The following C2CD5 variants were observed in gnomAD, a reference collection of about 807,000 sequenced individuals.
C2CD5 encodes the protein C2 calcium dependent domain containing 5, also known as C2 domain-containing protein 5.
C2CD5 carries 109 observed loss-of-function variants against 130.3 expected under a neutral mutation model. That is an observed-to-expected ratio of 0.84 (90% CI 0.72 to 0.98). The LOEUF is 0.98. Ranked by LOEUF, C2CD5 falls within the 50% of genes least tolerant of loss-of-function variation. The pLI, the probability that C2CD5 is intolerant of heterozygous loss-of-function variation, is 0.00. For synonymous variants in C2CD5, 454 were observed against 429.2 expected (o/e 1.06, Z -0.71); for missense variants, 996 against 1,261.8 (o/e 0.79, Z 3.19).
intron 3 of C2CD5, among the ~76,000 whole-genome samples, chr12:22,531,513 C>T (rs1951272953): frequency 6.6e-6 from 1 of 151,896 alleles, no homozygotes; most frequent in East Asian, 1.9e-4. Context: ...TTTTAACTTG[C>T]CTCAAAGGTA....
intron 10 of C2CD5, chr12:22,502,604 A>G (rs943675937): frequency 2.2e-6 from 1 of 462,712 alleles, no homozygotes; most frequent in African/African-American, 2.0e-5. Flanking sequence ...AAGAGTTATT[A>G]CATACGTAGC....
intron 22 of C2CD5, among the ~76,000 whole-genome samples, chr12:22,469,013 T>C (rs983779229): frequency 6.6e-6 from 1 of 152,134 alleles, no homozygotes; most frequent in Non-Finnish European, 1.5e-5. Context: ...TAATACATAA[T>C]GCTACAAAAT....
At chr12:22,540,556 C>T (rs1952266638) in intron 2 of C2CD5, among the ~76,000 whole-genome samples, 1 of 152,124 alleles carries the variant, frequency 6.6e-6, no homozygotes, top group Admixed American at 6.6e-5. Context: ...AAAGTACTTC[C>T]ATATTAAAAT....
chr12:22,457,070 A>G lies in C2CD5; in HGVS notation c.2778T>C (p.Val926=). ...PPCANSTVGV[V]KMTPLSFIPG... is the part of the protein sequence containing the mutation. ...GAATAAAAGAAAGAGGTGTCATCTT[A>G]ACAACCCCAACTGTGGAATTTGCAC... The change falls in exon 25 of 27, where the codon GTT becomes GTC. Residue 926 remains valine (V), a synonymous_variant. Coordinates refer to ENST00000446597, the MANE Select transcript of C2CD5 (RefSeq NM_001286176.2). The G allele has an allele frequency of 6.2e-7, 1 of 1,612,600 alleles. No homozygotes were observed. The highest frequency in any genetic ancestry group is 1.1e-5 in the South Asian group (1 of 90,972).
intron 3 of C2CD5, among the ~76,000 whole-genome samples, chr12:22,529,081 C>T (rs1398052395): frequency 6.6e-6 from 1 of 151,890 alleles, no homozygotes; most frequent in African/African-American, 2.4e-5. Context: ...CAAGGAAAAC[C>T]GGGGTGGGCA....
chr12:22,489,953 C>G (rs1946126722), intron 12 of C2CD5, among the ~76,000 whole-genome samples, 170 bp downstream of exon 12: 1 of 152,118 alleles, frequency 6.6e-6, no homozygotes, highest in South Asian at 2.1e-4. Context: ...GAATCCAATA[C>G]TCCTCTGTTA....
At position 22,449,513 on chromosome 12, in the gene C2CD5, C is replaced by T. The variant is rs767495688; in HGVS notation, c.*247G>A. On this transcript the variant is annotated 3_prime_UTR_variant, in exon 27 of 27. Transcript: ENST00000446597. ...AATTACAAAGGTTCCATCTTTGCTA[C>T]GGTTCTTTTAAAAATTTATCTTAAC... is the stretch of plus-strand genomic sequence containing the variant. 9.0e-5 allele frequency: 29 copies of T among 322,542 alleles called. No individual in the cohort carries two copies. Among genetic ancestry groups the T allele is most frequent in the Admixed American group, 6.1e-4 (13 of 21,432 alleles). 20.0% of individuals were successfully genotyped at this position (322,542 alleles called of 1,614,324 possible).
At chr12:22,510,056 T>G (rs1458012578) in intron 9 of C2CD5, among the ~76,000 whole-genome samples, 1 of 152,074 alleles carries the variant, frequency 6.6e-6, no homozygotes, top group Non-Finnish European at 1.5e-5. Context: ...AATACAAAAA[T>G]TAGCCAGTTG....
chr12:22,520,339 G>T (rs1950164075), intron 7 of C2CD5, among the ~76,000 whole-genome samples: 1 of 151,986 alleles, frequency 6.6e-6, no homozygotes, highest in South Asian at 2.1e-4. Context: ...CTATATTACT[G>T]ACTGCCCAGG....
At chr12:22,501,216 T>C (rs540700550) in intron 10 of C2CD5, among the ~76,000 whole-genome samples, 1 of 152,236 alleles carries the variant, frequency 6.6e-6, no homozygotes, top group Admixed American at 6.5e-5. Flanking sequence ...TATATCTACC[T>C]TTTTTCTTCA....
At position 22,482,140 on chromosome 12, in the gene C2CD5, G is replaced by C. The variant is rs138715436; in HGVS notation, c.1737+417C>G. ...GAAGACATTCTTGTGTGTCACAACT[G>C]GGGGGATGCTACTAGCTTATAGTGG... On this transcript the variant is annotated intron_variant, in intron 14 of 26. Transcript: ENST00000446597. Among the ~76,000 whole-genome samples, 53 of 152,198 alleles carry C rather than the reference G, an allele frequency of 3.5e-4. No individual in the cohort carries two copies. The East Asian group carries it at 9.7e-3, about 28-fold the overall frequency.
intron 10 of C2CD5, among the ~76,000 whole-genome samples, chr12:22,505,250 C>CTTTTTTTTTTT (rs200362307): frequency 7.2e-6 from 1 of 138,746 alleles, no homozygotes; most frequent in African/African-American, 2.9e-5. Flanking sequence ...ACCCTTCTTT[C>CTTTTTTTTTTT]TTTCTTTTTT....
intron 12 of C2CD5, among the ~76,000 whole-genome samples, chr12:22,485,266 A>G (rs977626699): frequency 2.0e-5 from 3 of 152,086 alleles, no homozygotes; most frequent in Admixed American, 1.3e-4. Context: ...ACCACAAAAA[A>G]AATTCCCAAA....
intron 12 of C2CD5, among the ~76,000 whole-genome samples, chr12:22,487,593 C>T (rs1407756318): frequency 6.6e-6 from 1 of 152,050 alleles, no homozygotes; most frequent in African/African-American, 2.4e-5. Flanking sequence ...AACACTTTTA[C>T]ACTGTTGGTG....
chr12:22,459,988 C>G (rs1940779442), intron 22 of C2CD5, among the ~76,000 whole-genome samples: 1 of 152,204 alleles, frequency 6.6e-6, no homozygotes. Flanking sequence ...TTATGCTTCA[C>G]AGATCAGCAT....
chr12:22,486,933 T>C (rs1945615114), intron 12 of C2CD5, among the ~76,000 whole-genome samples: 1 of 152,114 alleles, frequency 6.6e-6, no homozygotes, highest in Non-Finnish European at 1.5e-5. Context: ...TTGACAAACC[T>C]GACAAAAACA....
chr12:22,522,123 C>G (rs1294247655), intron 7 of C2CD5, among the ~76,000 whole-genome samples: 1 of 152,150 alleles, frequency 6.6e-6, no homozygotes, highest in Non-Finnish European at 1.5e-5. Context: ...GCTACAATGG[C>G]AGTTATGAAG....
At chr12:22,451,719 T>A (rs750054828) in intron 26 of C2CD5, among the ~76,000 whole-genome samples, 37 of 152,018 alleles carry the variant, frequency 2.4e-4, no homozygotes, top group Non-Finnish European at 4.7e-4. Flanking sequence ...CACAGTTCAT[T>A]TGGAAAACCA....
At chr12:22,509,956 G>C (rs1208939525) in intron 9 of C2CD5, among the ~76,000 whole-genome samples, 2 of 152,166 alleles carry the variant, frequency 1.3e-5, no homozygotes, top group Non-Finnish European at 2.9e-5. Context: ...TGTAATCCCA[G>C]CACTTTGGGA....
Sources: allele counts gnomAD v4.1 joint callset (sites outside exome capture counted in the v4.1 genomes callset), GRCh38; gene constraint gnomAD v4.1.1; transcripts MANE v1.5; gene names NCBI Gene and HGNC (gene_info 2026-07-23, HGNC 2026-07-21).